DCLK2: variants seen among roughly 807,000 people sequenced by gnomAD.
The protein encoded by DCLK2 is serine/threonine-protein kinase DCLK2.
Under a neutral mutation model 78.4 loss-of-function variants are expected in DCLK2, and 31 were observed. That is an observed-to-expected ratio of 0.40 (90% confidence interval 0.30 to 0.53). The LOEUF is 0.53. Among genes scored for constraint, DCLK2 ranks in the 20% least tolerant of loss-of-function variants. The pLI is 0.61. For missense variants in DCLK2, 872 were observed against 973.7 expected (o/e 0.90, Z 1.39); for synonymous variants, 407 against 374.9 (o/e 1.09, Z -0.99).
At chr4:150,102,308 T>C (rs1034674861) in intron 1 of DCLK2, among the ~76,000 whole-genome samples, 170 bp from the exon 2 acceptor site, 2 of 152,116 alleles carry the variant, frequency 1.3e-5, no homozygotes, top group African/African-American at 4.8e-5. Context: ...TCTAGACTAT[T>C]TAAAAGAAAG....
Position 150,220,778 on chromosome 4 carries a change from G to C in DCLK2, c.1132G>C (p.Gly378Arg), listed in dbSNP as rs745315685. Residue 378 changes from glycine to arginine, a missense_variant and splice_region_variant, in exon 6 of 16, where the codon GGT becomes CGT. Physicochemically the swap from Gly to Arg is moderately radical, Grantham distance 125. This residue lies in a region of DCLK2 where 567 missense variants were observed against 593.4 expected (regional missense o/e 0.96). Coordinates refer to ENST00000296550, the MANE Select transcript of DCLK2 (RefSeq NM_001040260.4). ...GCTTGACCGTTGCATAAGTCCTGAA[G>C]GTAGTTCTCAGTCTGATCATTACTT... is the stretch of plus-strand genomic sequence containing the variant. ...PELDRCISPE[G>R]VNGNRCSESS... 6.2e-7 allele frequency: 1 copy of C among 1,612,382 alleles called. No individual in the cohort carries two copies. The highest frequency in any genetic ancestry group is 8.5e-7 in the Non-Finnish European group (1 of 1,178,838).
intron 2 of DCLK2, among the ~76,000 whole-genome samples, chr4:150,172,635 C>G (rs1451640083): frequency 6.7e-6 from 1 of 148,672 alleles, no homozygotes; most frequent in Non-Finnish European, 1.5e-5. Flanking sequence ...AAAAAGAAAT[C>G]CATAGATCAT....
At chr4:150,199,196 A>G in intron 4 of DCLK2, 1 of 893,690 alleles carries the variant, frequency 1.1e-6, no homozygotes, top group Non-Finnish European at 1.8e-6. Flanking sequence ...TCCAGTGCAC[A>G]TCTGTGTGGT....
In DCLK2 at chr4:150,117,669, C is replaced by T. The variant is rs916376813; in HGVS notation, c.756+14857C>T. Among the ~76,000 whole-genome samples, 3 of 152,120 alleles carry T rather than the reference C, an allele frequency of 2.0e-5. No individual in the cohort carries two copies. The South Asian group carries it at 6.2e-4, about 32-fold the overall frequency. Reference sequence around the variant, plus strand: ...GGAGTCTGGGAATGCATATAAAGCCCGTCCTGATGCCACTGCTTCTCATAT... The same window carrying T: ...GGAGTCTGGGAATGCATATAAAGCCTGTCCTGATGCCACTGCTTCTCATAT... On this transcript the variant is annotated intron_variant, in intron 2 of 15. Coordinates refer to ENST00000296550, the MANE Select transcript of DCLK2 (RefSeq NM_001040260.4).
intron 13 of DCLK2, 28 bp downstream of exon 13, chr4:150,247,727 TG>T: frequency 6.3e-7 from 1 of 1,584,664 alleles, no homozygotes; most frequent in Non-Finnish European, 8.7e-7. Context: ...TTCTGTGGGT[TG>T]TATTACGTTG....
At chr4:150,164,759 A>G (rs1735946068) in intron 2 of DCLK2, among the ~76,000 whole-genome samples, 1 of 152,188 alleles carries the variant, frequency 6.6e-6, no homozygotes, top group Admixed American at 6.5e-5. Context: ...AGATTGTGCC[A>G]CTGCACTCCA....
chr4:150,156,474 G>A (rs1046770995), intron 2 of DCLK2, among the ~76,000 whole-genome samples: 1 of 141,368 alleles, frequency 7.1e-6, no homozygotes, highest in Non-Finnish European at 1.5e-5. Context: ...TAGTGAGGCC[G>A]TCTCTACCAA....
At chr4:150,250,968 CACACAT>C (rs1295501956) in intron 15 of DCLK2, among the ~76,000 whole-genome samples, 1 of 4,432 alleles carries the variant, frequency 2.3e-4, no homozygotes, top group Non-Finnish European at 6.0e-4. Context: ...CCCCCCACAC[CACACAT>C]CCCCCACACC....
chr4:150,108,639 A>C (rs1731441036), intron 2 of DCLK2, among the ~76,000 whole-genome samples: 2 of 152,164 alleles, frequency 1.3e-5, no homozygotes, highest in Non-Finnish European at 2.9e-5. Context: ...TTACTTTTTA[A>C]ATTTTTTGAA....
At chr4:150,158,002 T>C (rs557325382) in intron 2 of DCLK2, among the ~76,000 whole-genome samples, 16 of 152,366 alleles carry the variant, frequency 1.1e-4, no homozygotes, top group African/African-American at 3.8e-4. Flanking sequence ...ATCATTGTAA[T>C]ATCTACGATG....
At chr4:150,207,154 G>C (rs146120658) in intron 5 of DCLK2, among the ~76,000 whole-genome samples, 290 of 152,246 alleles carry the variant, frequency 1.9e-3, no homozygotes, top group Middle Eastern at 0.017. Context: ...TAATGGCCTT[G>C]GGGGATAGAT....
At chr4:150,083,283 C>T (rs1580464952) in intron 1 of DCLK2, among the ~76,000 whole-genome samples, 1 of 152,306 alleles carries the variant, frequency 6.6e-6, no homozygotes, top group Non-Finnish European at 1.5e-5. Context: ...TCTCTCATTC[C>T]AAAATAAAAT....
At chr4:150,151,105 CTGTTT>C (rs68192039) in intron 2 of DCLK2, among the ~76,000 whole-genome samples, 46,589 of 151,832 alleles carry the variant, frequency 0.31, 8,129 homozygotes, top group Non-Finnish European at 0.4. Context: ...TTGTTTTGTT[CTGTTT>C]TTAGTGTGGC....
At chr4:150,081,433 A>T (rs997071271) in intron 1 of DCLK2, among the ~76,000 whole-genome samples, 1 of 152,184 alleles carries the variant, frequency 6.6e-6, no homozygotes, top group Non-Finnish European at 1.5e-5. Context: ...TTTTTAGTGG[A>T]TGGGGATTTG....
chr4:150,190,313 A>G (rs1481132198), intron 2 of DCLK2, among the ~76,000 whole-genome samples: 2 of 151,898 alleles, frequency 1.3e-5, no homozygotes, highest in African/African-American at 2.4e-5. Flanking sequence ...ACAGACAGAC[A>G]GACGGACGGA....
chr4:150,144,058 T>G (rs906105385), intron 2 of DCLK2, among the ~76,000 whole-genome samples: 2 of 152,200 alleles, frequency 1.3e-5, no homozygotes, highest in Admixed American at 6.5e-5. Context: ...AAGTCACATT[T>G]GTCTATTTTA....
chr4:150,202,264 G>A (rs1257979626), intron 4 of DCLK2, among the ~76,000 whole-genome samples: 2 of 152,118 alleles, frequency 1.3e-5, no homozygotes, highest in East Asian at 3.9e-4. Context: ...AAGTAATCAG[G>A]GCTGTTGAAT....
intron 2 of DCLK2, among the ~76,000 whole-genome samples, chr4:150,163,808 C>T (rs936096862): frequency 1.3e-5 from 2 of 152,148 alleles, no homozygotes; most frequent in African/African-American, 4.8e-5. Flanking sequence ...ATTTGGACCT[C>T]AAGAAAATGA....
At chr4:150,079,917 T>C (rs555963186) in intron 1 of DCLK2, among the ~76,000 whole-genome samples, 3 of 152,250 alleles carry the variant, frequency 2.0e-5, no homozygotes, top group African/African-American at 2.4e-5. Context: ...TAGGTTGGCT[T>C]TCCTAGTTTG....
Sources: allele counts gnomAD v4.1 joint callset (sites outside exome capture counted in the v4.1 genomes callset), GRCh38; gene constraint gnomAD v4.1.1; regional missense constraint gnomAD v4.1.1; transcripts MANE v1.5; gene names NCBI Gene and HGNC (gene_info 2026-07-23, HGNC 2026-07-21).